Variants in CNTNAP2 observed in about 807,000 individuals in gnomAD.
The protein encoded by CNTNAP2 is contactin-associated protein-like 2.
In CNTNAP2, 98 loss-of-function variants were observed where a neutral mutation model predicts 155.2. The observed-to-expected ratio is 0.63, with a 90% CI of 0.54 to 0.75. CNTNAP2 has a LOEUF of 0.75. CNTNAP2 is among the 30% of genes least tolerant of loss of function. The pLI is 0.00. For synonymous variants in CNTNAP2, 651 were observed against 631.2 expected, an observed-to-expected ratio of 1.03 and a Z score of -0.47; for missense variants, 1,727 against 1,688.1, an observed-to-expected ratio of 1.02 and a Z score of -0.40.
chr7:147,910,601 C>T (rs1460801869), intron 14 of CNTNAP2, among the ~76,000 whole-genome samples: 2 of 152,164 alleles, frequency 1.3e-5, no homozygotes, highest in African/African-American at 2.4e-5. Context: ...ATTGGACTCA[C>T]AGTTCCACAT....
intron 13 of CNTNAP2, among the ~76,000 whole-genome samples, chr7:147,896,423 G>A (rs562480708): frequency 6.6e-6 from 1 of 152,312 alleles, no homozygotes; most frequent in East Asian, 1.9e-4. Flanking sequence ...CTCACGCAGA[G>A]CCAGCTGTGC....
intron 1 of CNTNAP2, among the ~76,000 whole-genome samples, chr7:146,642,202 CA>C (rs1157453672): frequency 1.3e-5 from 2 of 151,086 alleles, no homozygotes; most frequent in Admixed American, 6.6e-5. Context: ...TACATGTGCA[CA>C]ATGTGCAGGT....
chr7:146,773,239 A>C (rs1170216320), intron 1 of CNTNAP2, among the ~76,000 whole-genome samples: 1 of 152,242 alleles, frequency 6.6e-6, no homozygotes, highest in Admixed American at 6.5e-5. Flanking sequence ...TGACATTATA[A>C]AAGCCAAGTG....
Position 146,750,709 on chromosome 7 carries a change from G to C in CNTNAP2, c.98-23562G>C, listed in dbSNP as rs549937235. Among the ~76,000 whole-genome samples, 142 of 152,250 alleles carry C rather than the reference G, an allele frequency of 9.3e-4. 2 individuals carry two copies. In the South Asian group the frequency reaches 0.014, roughly 15 times the overall value. On this transcript the variant is annotated intron_variant, in intron 1 of 23. Transcript: ENST00000361727. ...TTAATATTTAGTTCATTTTTCTGCT[G>C]ACTTTTGAGAGGTGGCATGGCCAGA... is the stretch of plus-strand genomic sequence containing the variant.
intron 15 of CNTNAP2, among the ~76,000 whole-genome samples, chr7:148,116,488 C>A (rs1019883848): frequency 3.3e-5 from 5 of 152,206 alleles, no homozygotes; most frequent in African/African-American, 1.2e-4. Flanking sequence ...CAACCCCGCA[C>A]CCCAGTAGAC....
intron 15 of CNTNAP2, among the ~76,000 whole-genome samples, chr7:148,088,393 G>GA (rs897219612): frequency 2.7e-5 from 4 of 150,076 alleles, no homozygotes; most frequent in East Asian, 3.9e-4. Flanking sequence ...TGGTTTTCTG[G>GA]AAAAAAATAA....
intron 3 of CNTNAP2, among the ~76,000 whole-genome samples, chr7:147,039,587 G>A (rs759099440): frequency 2.6e-5 from 4 of 152,078 alleles, no homozygotes; most frequent in Non-Finnish European, 4.4e-5. Flanking sequence ...CATCCAATCT[G>A]GGTTGATTCT....
intron 13 of CNTNAP2, among the ~76,000 whole-genome samples, chr7:147,740,988 C>A (rs1318964244): frequency 6.6e-6 from 1 of 152,182 alleles, no homozygotes; most frequent in Non-Finnish European, 1.5e-5. Flanking sequence ...CATTTTCCCA[C>A]CCCCAATGGT....
Position 148,267,045 on chromosome 7 carries a change from CCTT to C in CNTNAP2, c.3397_3399del (p.Ser1133del), listed in dbSNP as rs1303107441. 4 of 1,614,014 alleles carry C rather than the reference CCTT, an allele frequency of 2.5e-6. No homozygotes were observed. The highest frequency in any genetic ancestry group is 2.2e-5 in the East Asian group (1 of 44,886). ...TTTCCTCCTGCAGCTCGATCATTAT[CCTT>C]CTGTGAGTTACCATCTGCCAAGTTC... On this transcript the variant is annotated inframe_deletion, in exon 21 of 24. Transcript: ENST00000361727.
chr7:146,381,118 C>T (rs1293589275), intron 1 of CNTNAP2, among the ~76,000 whole-genome samples: 1 of 152,022 alleles, frequency 6.6e-6, no homozygotes, highest in African/African-American at 2.4e-5. Context: ...TATATACTCA[C>T]CTCCCACAAT....
At chr7:146,869,066 T>C (rs1795256914) in intron 3 of CNTNAP2, among the ~76,000 whole-genome samples, 1 of 152,118 alleles carries the variant, frequency 6.6e-6, no homozygotes, top group Non-Finnish European at 1.5e-5. Flanking sequence ...AATACAAATA[T>C]TGAGAGAGGG....
chr7:147,234,397 G>A (rs2116624000), intron 8 of CNTNAP2, among the ~76,000 whole-genome samples: 1 of 138,630 alleles, frequency 7.2e-6, no homozygotes, highest in East Asian at 2.3e-4. Flanking sequence ...GAGTGCAGTG[G>A]CGCGATCTCG....
chr7:147,319,979 G>T (rs754226469), intron 9 of CNTNAP2, among the ~76,000 whole-genome samples: 1 of 152,096 alleles, frequency 6.6e-6, no homozygotes, highest in Non-Finnish European at 1.5e-5. Context: ...TTGCTTTGTA[G>T]CAGAGAAACA....
At chr7:146,306,466 T>G (rs544421753) in intron 1 of CNTNAP2, among the ~76,000 whole-genome samples, 51 of 152,022 alleles carry the variant, frequency 3.4e-4, no homozygotes, top group Non-Finnish European at 6.6e-4. Flanking sequence ...TAGACCAATA[T>G]CCCTGATGAA....
At chr7:146,577,013 A>C (rs538701436) in intron 1 of CNTNAP2, among the ~76,000 whole-genome samples, 1 of 152,292 alleles carries the variant, frequency 6.6e-6, no homozygotes, top group Admixed American at 6.5e-5. Flanking sequence ...CTATTATTTG[A>C]TAATCTTATC....
intron 21 of CNTNAP2, among the ~76,000 whole-genome samples, chr7:148,353,387 C>T (rs1182028845): frequency 6.6e-6 from 1 of 152,202 alleles, no homozygotes; most frequent in Admixed American, 6.5e-5. Context: ...AAACCTGGAA[C>T]TCGAGGGCAG....
intron 1 of CNTNAP2, among the ~76,000 whole-genome samples, chr7:146,703,557 GT>G (rs1166263137): frequency 2.6e-5 from 4 of 152,064 alleles, no homozygotes; most frequent in African/African-American, 9.7e-5. Context: ...AACAACAAAC[GT>G]GTTTCTCATG....
At chr7:146,308,667 T>C (rs1584861104) in intron 1 of CNTNAP2, among the ~76,000 whole-genome samples, 1 of 152,198 alleles carries the variant, frequency 6.6e-6, no homozygotes, top group Non-Finnish European at 1.5e-5. Flanking sequence ...GATGAGTTCA[T>C]GTCCTCTTAG....
chr7:148,391,074 A>G (rs150797797), intron 22 of CNTNAP2, among the ~76,000 whole-genome samples: 138 of 151,876 alleles, frequency 9.1e-4, no homozygotes, highest in African/African-American at 3.2e-3. Context: ...GAAAGTCTCT[A>G]TTTGGTTCTG....
Sources: gnomAD v4.1 joint callset for allele counts (sites outside exome capture counted in the v4.1 genomes callset) on GRCh38, gnomAD v4.1.1 for gene constraint, MANE v1.5 for transcripts, NCBI Gene and HGNC (gene_info 2026-07-23, HGNC 2026-07-21) for gene names.